The following KAZN variants were observed in gnomAD, a reference collection of about 807,000 sequenced individuals.
The protein encoded by KAZN is kazrin, periplakin interacting protein.
Under a neutral mutation model 87.4 loss-of-function variants are expected in KAZN, and 40 were observed. The observed-to-expected ratio is 0.46, with a 90% confidence interval of 0.36 to 0.60. The LOEUF (loss-of-function observed/expected upper bound fraction) is 0.60. KAZN is among the 20% of genes least tolerant of loss of function. The pLI is 0.00. For synonymous variants in KAZN, 466 were observed against 458.3 expected, an observed-to-expected ratio of 1.02 and a Z score of -0.22; for missense variants, 898 against 1,073.9, an observed-to-expected ratio of 0.84 and a Z score of 2.29.
intron 2 of KAZN, among the ~76,000 whole-genome samples, chr1:14,524,147 G>A (rs371762028): frequency 1.3e-5 from 2 of 151,910 alleles, no homozygotes; most frequent in African/African-American, 2.4e-5. Context: ...TCAGCCTCCC[G>A]AGTAGCTGGG....
intron 1 of KAZN, among the ~76,000 whole-genome samples, chr1:14,898,857 G>GTCCC (rs2101233212): frequency 6.6e-6 from 1 of 152,230 alleles, no homozygotes; most frequent in South Asian, 2.1e-4. Flanking sequence ...CCTCTACCTT[G>GTCCC]TCCCTATAAA....
intron 2 of KAZN, among the ~76,000 whole-genome samples, chr1:14,497,335 TAAAAAAAAAAAAAAA>T (rs70997150): frequency 1.3e-5 from 1 of 76,418 alleles, no homozygotes; most frequent in Non-Finnish European, 2.4e-5. Flanking sequence ...ATTCTGTTAC[TAAAAAAAAAAAAAAA>T]AAAAAAAAAA....
chr1:14,959,772 A>G (rs960516124), intron 1 of KAZN, among the ~76,000 whole-genome samples: 3 of 152,026 alleles, frequency 2.0e-5, no homozygotes, highest in Non-Finnish European at 2.9e-5. Context: ...TGTTTTCACT[A>G]TTGCCCAGGT....
intron 1 of KAZN, among the ~76,000 whole-genome samples, chr1:14,007,714 G>T (rs1640096036): frequency 6.6e-6 from 1 of 152,182 alleles, no homozygotes; most frequent in South Asian, 2.1e-4. Context: ...TCAAATACTG[G>T]CTCACTTGGG....
chr1:14,927,229 C>G (rs1451451827), intron 1 of KAZN, among the ~76,000 whole-genome samples: 2 of 152,202 alleles, frequency 1.3e-5, no homozygotes, highest in Non-Finnish European at 2.9e-5. Flanking sequence ...GGTTCTTAAA[C>G]TGGGAACAGG....
chr1:14,359,962 C>G (rs960994931), intron 2 of KAZN, among the ~76,000 whole-genome samples: 3 of 152,222 alleles, frequency 2.0e-5, no homozygotes, highest in African/African-American at 7.2e-5. Context: ...ATCTGTATTT[C>G]CTGAATTTGG....
intron 1 of KAZN, among the ~76,000 whole-genome samples, chr1:14,074,280 C>A (rs1223076768): frequency 6.6e-6 from 1 of 152,128 alleles, no homozygotes; most frequent in Non-Finnish European, 1.5e-5. Flanking sequence ...TGGCTCCCAG[C>A]CCCCAGCCCC....
At chr1:14,023,905 C>T (rs768036439) in intron 1 of KAZN, among the ~76,000 whole-genome samples, 1 of 152,160 alleles carries the variant, frequency 6.6e-6, no homozygotes, top group Admixed American at 6.5e-5. Context: ...CAATGGGCAA[C>T]GTGTAGAGGT....
intron 2 of KAZN, among the ~76,000 whole-genome samples, chr1:14,308,317 A>G (rs542838179): frequency 6.6e-6 from 1 of 151,930 alleles, no homozygotes; most frequent in Non-Finnish European, 1.5e-5. Flanking sequence ...TATTGAGATT[A>G]TATAGGAGAA....
chr1:14,486,789 G>A (rs552212303), intron 2 of KAZN, among the ~76,000 whole-genome samples: 6 of 152,278 alleles, frequency 3.9e-5, no homozygotes, highest in South Asian at 4.1e-4. Flanking sequence ...CAGACTAGGC[G>A]GGCTGGATTC....
At chr1:14,647,230 CA>C (rs1317021595) in intron 1 of KAZN, among the ~76,000 whole-genome samples, 1 of 152,078 alleles carries the variant, frequency 6.6e-6, no homozygotes, top group Non-Finnish European at 1.5e-5. Context: ...ATATAATGGT[CA>C]AAACAGCCCG....
intron 1 of KAZN, among the ~76,000 whole-genome samples, chr1:14,639,329 G>GAA (rs1253563315): frequency 6.6e-6 from 1 of 152,180 alleles, no homozygotes; most frequent in Non-Finnish European, 1.5e-5. Context: ...CTCCAAGCGG[G>GAA]AAACGAATTG....
At chr1:14,983,396 T>C (rs1330814775) in intron 2 of KAZN, among the ~76,000 whole-genome samples, 1 of 152,122 alleles carries the variant, frequency 6.6e-6, no homozygotes, top group African/African-American at 2.4e-5. Flanking sequence ...CCCTGAGATA[T>C]CGTTGCTCGC....
chr1:14,609,296 A>G (rs773642915), intron 1 of KAZN, among the ~76,000 whole-genome samples: 3 of 152,190 alleles, frequency 2.0e-5, no homozygotes, highest in Non-Finnish European at 4.4e-5. Context: ...ACATGCTCAG[A>G]GTGCCCTGTT....
At chr1:14,401,323 A>C (rs1385290747) in intron 2 of KAZN, among the ~76,000 whole-genome samples, 4 of 152,018 alleles carry the variant, frequency 2.6e-5, no homozygotes, top group East Asian at 1.9e-4. Context: ...AATGTAGAAG[A>C]AGCACAAAAG....
At chr1:14,666,823 A>T (rs1344600745) in intron 1 of KAZN, among the ~76,000 whole-genome samples, 1 of 152,082 alleles carries the variant, frequency 6.6e-6, no homozygotes, top group Non-Finnish European at 1.5e-5. Context: ...CTGCAACCTC[A>T]GCCTCCTGGG....
intron 2 of KAZN, among the ~76,000 whole-genome samples, chr1:14,217,629 A>G (rs1226672244): frequency 6.6e-6 from 1 of 152,146 alleles, no homozygotes; most frequent in South Asian, 2.1e-4. Flanking sequence ...GGAACAAAAA[A>G]ATACCCAAAA....
chr1:13,994,248 A>G (rs1043149078), intron 1 of KAZN, among the ~76,000 whole-genome samples: 8 of 152,218 alleles, frequency 5.3e-5, no homozygotes, highest in African/African-American at 1.9e-4. Context: ...GCTTACGATG[A>G]GCTCAGAGAG....
intron 2 of KAZN, among the ~76,000 whole-genome samples, chr1:14,446,899 C>T (rs1206664644): frequency 6.6e-6 from 1 of 151,856 alleles, no homozygotes; most frequent in Non-Finnish European, 1.5e-5. Flanking sequence ...ATGGAAGCAC[C>T]TTTAAAAAAA....
Sources: gnomAD v4.1 joint callset for allele counts (sites outside exome capture counted in the v4.1 genomes callset) on GRCh38, gnomAD v4.1.1 for gene constraint, MANE v1.5 for transcripts, NCBI Gene and HGNC (gene_info 2026-07-23, HGNC 2026-07-21) for gene names.